The following ZNF44 variants were observed in gnomAD, a reference collection of about 807,000 sequenced individuals.
ZNF44 encodes the protein zinc finger protein 44.
ZNF44 carries 9 observed loss-of-function variants against 11.7 expected under a neutral mutation model. That is an observed-to-expected ratio of 0.77 (90% CI 0.46 to 1.35). The LOEUF (loss-of-function observed/expected upper bound fraction) is 1.35, where lower values mean the gene tolerates loss of function less well. ZNF44 is among the 40% of genes most tolerant of loss of function. The pLI is 0.00. For synonymous variants in ZNF44, 224 were observed against 242.7 expected (o/e 0.92, Z 0.72); for missense variants, 696 against 743.1 (o/e 0.94, Z 0.74).
chr19:12,247,430 T>C (rs915490799), downstream of ZNF44: 56 of 1,323,678 alleles, frequency 4.2e-5, no homozygotes, highest in Non-Finnish European at 5.2e-5. Context: ...TTCCACATTC[T>C]TTACATTCAT....
intron 5 of ZNF44, among the ~76,000 whole-genome samples, chr19:12,261,593 C>A (rs1917513067): frequency 6.6e-6 from 1 of 152,176 alleles, no homozygotes; most frequent in Non-Finnish European, 1.5e-5. Flanking sequence ...TGCACTACTG[C>A]ACTCCAGCCT....
At chr19:12,241,064 A>C (rs1443367151), upstream of ZNF44, among the ~76,000 whole-genome samples, 2 of 152,222 alleles carry the variant, frequency 1.3e-5, no homozygotes, top group Non-Finnish European at 2.9e-5. Context: ...CAACAAAACA[A>C]ACCAATGAGC....
At chr19:12,252,352 C>T (rs1244182498) in intron 5 of ZNF44, among the ~76,000 whole-genome samples, 3 of 152,072 alleles carry the variant, frequency 2.0e-5, no homozygotes, top group African/African-American at 4.8e-5. Context: ...CAAATGAGTC[C>T]GTAGTACTTT....
chr19:12,230,203 G>T (rs1204114920), intron 3 of ZNF44, among the ~76,000 whole-genome samples: 1 of 152,216 alleles, frequency 6.6e-6, no homozygotes, highest in Non-Finnish European at 1.5e-5. Flanking sequence ...AGTGGAGAGG[G>T]TGTGGGAATG....
downstream of ZNF44, among the ~76,000 whole-genome samples, chr19:12,268,902 C>G (rs2145715696): frequency 6.6e-6 from 1 of 152,236 alleles, no homozygotes; most frequent in African/African-American, 2.4e-5. Context: ...CACCACTACC[C>G]CAACTAATTT....
Position 12,273,567 on chromosome 19 carries a change from A to G in ZNF44, c.688T>C (p.Cys230Arg). 2 of 1,614,142 alleles carry G rather than the reference A, an allele frequency of 1.2e-6. No homozygotes were observed. The highest frequency in any genetic ancestry group is 1.7e-6 in the Non-Finnish European group (2 of 1,180,042). Reference protein sequence around the residue: ...TGEKPYECKQCSKAFPVYSSY... With the variant: ...TGEKPYECKQRSKAFPVYSSY... The stretch of plus-strand genomic sequence containing the variant: ...CTGTAAACAGGGAAGGCTTTAGAAC[A>G]CTGCTTACATTCATATGGTTTCTCT... The change falls in exon 4 of 4, where the codon TGT (cysteine) becomes CGT (arginine). Residue 230 changes from cysteine (C) to arginine (R), a missense_variant. Cys to Arg is a radical substitution (Grantham distance 180, BLOSUM62 -3). Coordinates refer to ENST00000355684, the MANE Select transcript of ZNF44 (RefSeq NM_016264.4).
At chr19:12,250,392 A>G (rs781553847) in intron 5 of ZNF44, 1 of 1,342,308 alleles carries the variant, frequency 7.4e-7, no homozygotes, top group South Asian at 1.2e-5. Context: ...AATGTGTGTA[A>G]AGGAGAATGG....
intron 1 of ZNF44, among the ~76,000 whole-genome samples, chr19:12,236,127 C>T (rs1429164602): frequency 6.6e-6 from 1 of 152,076 alleles, no homozygotes; most frequent in African/African-American, 2.4e-5. Context: ...TATTTTGAAT[C>T]GATGAAGCAA....
intron 1 of ZNF44, chr19:12,284,493 G>A (rs780926125): frequency 2.4e-5 from 16 of 668,708 alleles, no homozygotes; most frequent in East Asian, 6.2e-5. Flanking sequence ...GTGGATGCCC[G>A]TTACCAAGCT....
intron 1 of ZNF44, among the ~76,000 whole-genome samples, chr19:12,280,266 C>T (rs975306847): frequency 2.6e-5 from 4 of 151,988 alleles, no homozygotes; most frequent in Admixed American, 6.6e-5. Flanking sequence ...GTTTATAGCT[C>T]CCAGTTGAAC....
chr19:12,240,606 G>A (rs1020556674), upstream of ZNF44, among the ~76,000 whole-genome samples: 1 of 152,078 alleles, frequency 6.6e-6, no homozygotes, highest in Non-Finnish European at 1.5e-5. Context: ...ACTGTGTAGG[G>A]ACAGACATAC....
intron 5 of ZNF44, among the ~76,000 whole-genome samples, chr19:12,263,920 G>A (rs529635013): frequency 2.4e-4 from 29 of 119,008 alleles, no homozygotes; most frequent in Non-Finnish European, 4.3e-4. Context: ...GCGAGACTCC[G>A]TCTCAAAAAA....
chr19:12,282,821 T>A (rs1276584745), intron 1 of ZNF44, among the ~76,000 whole-genome samples: 1 of 152,210 alleles, frequency 6.6e-6, no homozygotes, highest in Non-Finnish European at 1.5e-5. Flanking sequence ...ACTGTTGATA[T>A]GATTAACGTT....
chr19:12,275,903 C>A, intron 2 of ZNF44, 53 bp downstream of exon 2: 1 of 1,531,292 alleles, frequency 6.5e-7, no homozygotes, highest in South Asian at 1.2e-5. Flanking sequence ...GCATTGATGA[C>A]CACAAAACAA....
downstream of ZNF44, chr19:12,225,402 G>C (rs1466442860): frequency 2.0e-5 from 3 of 152,086 alleles, no homozygotes; most frequent in Non-Finnish European, 4.4e-5. Flanking sequence ...CCAAGAATCT[G>C]TTTGTTTGTT....
intron 1 of ZNF44, among the ~76,000 whole-genome samples, chr19:12,282,233 T>C (rs1418613157): frequency 6.6e-6 from 1 of 152,080 alleles, no homozygotes; most frequent in Admixed American, 6.6e-5. Context: ...TGTATGGCAA[T>C]CTGGTATAGC....
At chr19:12,259,223 C>T (rs1917396305) in intron 5 of ZNF44, among the ~76,000 whole-genome samples, 1 of 152,162 alleles carries the variant, frequency 6.6e-6, no homozygotes, top group African/African-American at 2.4e-5. Flanking sequence ...CCAAGAATGA[C>T]TTAGCCAACA....
chr19:12,272,668 CT>C lies in ZNF44; in HGVS notation c.1586del (p.Glu529GlyfsTer20), dbSNP rs1967001830. 6.2e-7 allele frequency: 1 copy of C among 1,613,574 alleles called. No homozygotes were observed. The highest frequency in any genetic ancestry group is 1.3e-5 in the African/African-American group (1 of 74,850). ...TGCATTGCTTACATTCATATGGCTT[CT>C]CTGCCGTGTGAGTCCTTTCATGAGT... ...LKTHERTHTA[E>X]KPYECKQCRK... On this transcript the variant is annotated frameshift_variant, in exon 4 of 4. Transcript: ENST00000355684. LOFTEE classifies it low-confidence loss of function (END_TRUNC).
chr19:12,271,837 T>C lies in ZNF44; in HGVS notation c.*570A>G, dbSNP rs951771557. ...ACAATGCATGAGATATTTTAATTAA[T>C]CTAGACATTTATAGAGTATACAGGA... On this transcript the variant is annotated 3_prime_UTR_variant, in exon 4 of 4. Transcript: ENST00000355684. 6.6e-6 allele frequency: 1 copy of C among 152,138 alleles called. No homozygotes were observed. The highest frequency in any genetic ancestry group is 1.5e-5 in the Non-Finnish European group (1 of 68,036). 9.4% of individuals were successfully genotyped at this position (152,138 alleles called of 1,614,324 possible). A position where few individuals can be genotyped will look rare whatever the true frequency, so the allele number is the denominator to read the frequency against.
Sources: gnomAD v4.1 joint callset for allele counts (sites outside exome capture counted in the v4.1 genomes callset) on GRCh38, gnomAD v4.1.1 for gene constraint, MANE v1.5 for transcripts, NCBI Gene and HGNC (gene_info 2026-07-23, HGNC 2026-07-21) for gene names.